The following DCC variants were observed in gnomAD, a reference collection of about 807,000 sequenced individuals.
The protein encoded by DCC is DCC netrin 1 receptor.
A neutral mutation model predicts 172.5 loss-of-function variants in DCC; 58 were observed. That is an observed-to-expected ratio of 0.34 (90% confidence interval 0.27 to 0.42). The LOEUF (loss-of-function observed/expected upper bound fraction) is 0.42. Among genes scored for constraint, DCC ranks in the 10% least tolerant of loss-of-function variants. The pLI is 1.00. For synonymous variants in DCC, 709 were observed against 644.5 expected (o/e 1.10, Z -1.52); for missense variants, 1,740 against 1,791.0 (o/e 0.97, Z 0.51).
At chr18:52,960,620 T>C (rs115812024) in intron 5 of DCC, among the ~76,000 whole-genome samples, 9,976 of 152,222 alleles carry the variant, frequency 0.066, 430 homozygotes, top group South Asian at 0.15. Context: ...TCAGCCACCA[T>C]TGCACAACAT....
intron 5 of DCC, among the ~76,000 whole-genome samples, chr18:52,969,387 C>T (rs1026532182): frequency 3.9e-5 from 6 of 152,116 alleles, no homozygotes; most frequent in East Asian, 1.9e-4. Flanking sequence ...ACCAAATTAC[C>T]GAAGTAGAAA....
At chr18:53,387,572 G>A (rs868005673) in intron 16 of DCC, among the ~76,000 whole-genome samples, 1 of 152,188 alleles carries the variant, frequency 6.6e-6, no homozygotes, top group East Asian at 1.9e-4. Flanking sequence ...AATATAGAAA[G>A]ATGAGAAAAC....
chr18:52,515,606 C>CAAAAAAAAAAAAAAAAAAA lies in DCC; in HGVS notation c.91+174730_91+174748dup, dbSNP rs58112743. Among the ~76,000 whole-genome samples, 18 of 10,326 alleles carry CAAAAAAAAAAAAAAAAAAA rather than the reference C, an allele frequency of 1.7e-3. 3 individuals are homozygous for CAAAAAAAAAAAAAAAAAAA. The highest frequency in any genetic ancestry group is 2.0e-3 in the Non-Finnish European group (8 of 3,982). The allele number at this position is 10,326 out of a possible 152,430, so 6.8% of individuals were successfully genotyped here. A position where few individuals can be genotyped will look rare whatever the true frequency, so the allele number is the denominator to read the frequency against. ...TGGGCGACAGAGCGAAACCCTGTCT[C>CAAAAAAAAAAAAAAAAAAA]AAAAAAAAAAAAAAAAAAAATCATA... is the stretch of plus-strand genomic sequence containing the variant. On this transcript the variant is annotated intron_variant, in intron 1 of 28. Transcript: ENST00000442544.
intron 26 of DCC, among the ~76,000 whole-genome samples, chr18:53,493,561 G>C (rs759534974): frequency 6.6e-6 from 1 of 152,162 alleles, no homozygotes; most frequent in Non-Finnish European, 1.5e-5. Context: ...GCACAGAGGT[G>C]TTTATAGTAT....
chr18:52,555,558 C>A (rs2032894282), intron 1 of DCC, among the ~76,000 whole-genome samples: 1 of 152,012 alleles, frequency 6.6e-6, no homozygotes, highest in South Asian at 2.1e-4. Flanking sequence ...TTTTGCACAT[C>A]TATATTTCTA....
chr18:53,066,351 GTGTATA>G lies in DCC; in HGVS notation c.1261+187_1261+192del, dbSNP rs1477488217. ...TCTAGAAAATTGTGTGTGTACATGT[GTGTATA>G]TATATATATATATATATATATATAT... On this transcript the variant is annotated intron_variant, in intron 7 of 28. Coordinates refer to ENST00000442544, the MANE Select transcript of DCC (RefSeq NM_005215.4). Among the ~76,000 whole-genome samples, 3 of 90,174 alleles carry G rather than the reference GTGTATA, an allele frequency of 3.3e-5. No individual in the cohort carries two copies. The South Asian group carries it at 1.4e-3, about 42-fold the overall frequency. The allele number at this position is 90,174 out of a possible 152,430, so 59.2% of individuals were successfully genotyped here.
At chr18:52,370,428 C>T (rs939254249) in intron 1 of DCC, among the ~76,000 whole-genome samples, 1 of 152,100 alleles carries the variant, frequency 6.6e-6, no homozygotes, top group Non-Finnish European at 1.5e-5. Flanking sequence ...TAGGATGGAG[C>T]TGGAAGCCAT....
At chr18:52,446,359 A>C (rs2144506277) in intron 1 of DCC, among the ~76,000 whole-genome samples, 1 of 152,328 alleles carries the variant, frequency 6.6e-6, no homozygotes, top group Non-Finnish European at 1.5e-5. Context: ...TCTACAAGCT[A>C]TGTGATCCTC....
intron 1 of DCC, among the ~76,000 whole-genome samples, chr18:52,460,427 A>C (rs1988595477): frequency 6.6e-6 from 1 of 151,984 alleles, no homozygotes; most frequent in African/African-American, 2.4e-5. Context: ...CAAGATAGTA[A>C]ACTCTTCTGG....
intron 12 of DCC, among the ~76,000 whole-genome samples, chr18:53,238,766 G>A (rs1175526257): frequency 2.0e-5 from 3 of 152,100 alleles, no homozygotes; most frequent in Non-Finnish European, 4.4e-5. Flanking sequence ...TGTCATACAG[G>A]TATACTAAGA....
intron 8 of DCC, among the ~76,000 whole-genome samples, chr18:53,168,164 C>T (rs570403299): frequency 1.2e-4 from 18 of 152,200 alleles, no homozygotes; most frequent in African/African-American, 4.3e-4. Flanking sequence ...AGCGATTCCT[C>T]AAGGATCTAC....
intron 13 of DCC, among the ~76,000 whole-genome samples, chr18:53,317,329 C>G (rs868854026): frequency 1.3e-5 from 2 of 152,182 alleles, no homozygotes; most frequent in African/African-American, 2.4e-5. Flanking sequence ...AGGGATGAAG[C>G]CAACTTGATT....
chr18:52,575,862 T>C (rs759581679), intron 1 of DCC, among the ~76,000 whole-genome samples: 1 of 152,120 alleles, frequency 6.6e-6, no homozygotes, highest in Non-Finnish European at 1.5e-5. Flanking sequence ...GTAAGTAACC[T>C]CATTGAGGAA....
At chr18:53,509,259 T>C (rs1199059192) in intron 27 of DCC, among the ~76,000 whole-genome samples, 1 of 152,272 alleles carries the variant, frequency 6.6e-6, no homozygotes, top group African/African-American at 2.4e-5. Flanking sequence ...ACACTACTGA[T>C]GTCTTTGTCT....
intron 2 of DCC, among the ~76,000 whole-genome samples, chr18:52,798,078 A>AAGGTTGCTTGCACGAAGGTTGCTTGCACG (rs1202694637): frequency 0.035 from 5,272 of 150,090 alleles, 174 homozygotes; most frequent in South Asian, 0.14. Flanking sequence ...TTGCTTGCAC[A>AAGGTTGCTTGCACGAAGGTTGCTTGCACG]AAGGCTACAC....
chr18:52,345,471 A>T (rs917662041), intron 1 of DCC, among the ~76,000 whole-genome samples: 1 of 152,212 alleles, frequency 6.6e-6, no homozygotes, highest in African/African-American at 2.4e-5. Flanking sequence ...TTAAGGAATC[A>T]TAGCTTGGAA....
intron 15 of DCC, among the ~76,000 whole-genome samples, chr18:53,372,844 C>T (rs539412535): frequency 6.6e-6 from 1 of 152,164 alleles, no homozygotes; most frequent in East Asian, 1.9e-4. Context: ...GGCCTTGATC[C>T]TCAGAACTCT....
chr18:52,603,181 T>C (rs1722897104), intron 1 of DCC, among the ~76,000 whole-genome samples: 1 of 152,008 alleles, frequency 6.6e-6, no homozygotes, highest in African/African-American at 2.4e-5. Flanking sequence ...AAAGCTGATA[T>C]TTACAATAAG....
intron 11 of DCC, among the ~76,000 whole-genome samples, chr18:53,210,725 T>C (rs2055736875): frequency 6.6e-6 from 1 of 152,152 alleles, no homozygotes; most frequent in East Asian, 1.9e-4. Flanking sequence ...ATAAAAAATA[T>C]ATTGAGACAT....
Sources: gnomAD v4.1 joint callset for allele counts (sites outside exome capture counted in the v4.1 genomes callset) on GRCh38, gnomAD v4.1.1 for gene constraint, MANE v1.5 for transcripts, NCBI Gene and HGNC (gene_info 2026-07-23, HGNC 2026-07-21) for gene names.